Variants in RBFOX1 observed in about 807,000 individuals in gnomAD.
RBFOX1 encodes the protein RNA binding protein fox-1 homolog 1.
RBFOX1 carries 8 observed loss-of-function variants against 57.7 expected under a neutral mutation model. The observed-to-expected ratio is 0.14, with a 90% CI of 0.08 to 0.25. The LOEUF is 0.25. Ranked by LOEUF, RBFOX1 falls within the 10% of genes least tolerant of loss-of-function variation. The pLI, the probability that RBFOX1 is intolerant of heterozygous loss-of-function variation, is 1.00. For missense variants in RBFOX1, 611 were observed against 548.5 expected (o/e 1.11, Z -1.14); for synonymous variants, 326 against 222.4 (o/e 1.47, Z -4.15).
chr16:6,594,065 A>G (rs1288231242), intron 2 of RBFOX1, among the ~76,000 whole-genome samples: 1 of 152,164 alleles, frequency 6.6e-6, no homozygotes, highest in Non-Finnish European at 1.5e-5. Flanking sequence ...GTTTGAGGAC[A>G]CTTGAGTTCA....
chr16:6,777,821 C>T (rs1430394521), intron 3 of RBFOX1, among the ~76,000 whole-genome samples: 1 of 152,054 alleles, frequency 6.6e-6, no homozygotes, highest in East Asian at 1.9e-4. Flanking sequence ...TCAAGCTTTC[C>T]AGTTTCATTT....
chr16:6,800,988 T>C (rs372333616), intron 3 of RBFOX1, among the ~76,000 whole-genome samples: 3 of 152,138 alleles, frequency 2.0e-5, no homozygotes, highest in Non-Finnish European at 4.4e-5. Context: ...AATCAATAAA[T>C]GTTTGTTCAA....
Position 5,550,174 on chromosome 16 carries a change from G to C in RBFOX1, c.259-48728G>C, listed in dbSNP as rs561301766. ...TGCAGAACCAACTGTGCAGTGTTGC[G>C]AGAGGGGCTGTGTGGAGAAGCTTTC... On this transcript the variant is annotated intron_variant, in intron 2 of 2. Coordinates refer to the RBFOX1 transcript ENST00000585867. Among the ~76,000 whole-genome samples the C allele has an allele frequency of 2.6e-5, 4 of 152,310 alleles. No individual in the cohort carries two copies. In the South Asian group the frequency reaches 8.3e-4, roughly 32 times the overall value.
In RBFOX1 at chr16:6,847,345, A is replaced by C. The variant is rs564259775; in HGVS notation, c.-16+192695A>C. ...TGGGTCCAGCCAGACCTGTGTCCTC[A>C]CAACTGCAAGGGGGTCTTCAATCTG... On this transcript the variant is annotated intron_variant, in intron 3 of 15. Coordinates refer to ENST00000550418, the MANE Select transcript of RBFOX1 (RefSeq NM_018723.4). 1.4e-3 allele frequency among the ~76,000 whole-genome samples: 217 copies of C among 152,152 alleles called. 2 individuals carry two copies. The highest frequency in any genetic ancestry group is 4.8e-3 in the African/African-American group (200 of 41,512).
intron 1 of RBFOX1, among the ~76,000 whole-genome samples, chr16:6,149,919 G>T (rs1445496859): frequency 6.6e-6 from 1 of 152,164 alleles, no homozygotes; most frequent in Non-Finnish European, 1.5e-5. Flanking sequence ...TGAACAAAAG[G>T]CTTATTGAGC....
intron 3 of RBFOX1, among the ~76,000 whole-genome samples, chr16:5,730,371 GGAGCCGGCAAGCACCGTCTCCCTGA>G (rs2052320300): frequency 6.6e-6 from 1 of 152,156 alleles, no homozygotes; most frequent in Non-Finnish European, 1.5e-5. Context: ...AGCCTAGAGT[GGAGCCGGCAAGCACCGTCTCCCTGA>G]GAGGGTCTGT....
intron 2 of RBFOX1, among the ~76,000 whole-genome samples, chr16:6,574,850 A>T (rs1350116706): frequency 6.7e-6 from 1 of 150,018 alleles, no homozygotes; most frequent in Non-Finnish European, 1.5e-5. Flanking sequence ...CATCCTGGAT[A>T]ACACGGTGAA....
intron 14 of RBFOX1, among the ~76,000 whole-genome samples, chr16:7,688,995 C>T (rs1366604405): frequency 1.3e-5 from 2 of 152,018 alleles, no homozygotes; most frequent in Non-Finnish European, 2.9e-5. Context: ...TGAGCCAAGC[C>T]AACTGTGTTC....
intron 4 of RBFOX1, among the ~76,000 whole-genome samples, chr16:7,460,451 G>A (rs2059376737): frequency 1.4e-5 from 2 of 141,810 alleles, no homozygotes; most frequent in Non-Finnish European, 3.0e-5. Context: ...ATGTATGTGT[G>A]TATATACATA....
At chr16:5,358,732 C>G (rs527914358) in intron 1 of RBFOX1, among the ~76,000 whole-genome samples, 25 of 152,270 alleles carry the variant, frequency 1.6e-4, no homozygotes, top group African/African-American at 6.0e-4. Context: ...GAGGTTGAGG[C>G]AGGAGAATCG....
intron 3 of RBFOX1, among the ~76,000 whole-genome samples, chr16:5,795,887 A>G (rs1256340693): frequency 1.3e-5 from 2 of 152,174 alleles, no homozygotes; most frequent in Non-Finnish European, 2.9e-5. Context: ...GCATTTTCTA[A>G]TGACTTAGTT....
At chr16:7,551,569 A>T (rs1036732134) in intron 5 of RBFOX1, among the ~76,000 whole-genome samples, 14 of 152,192 alleles carry the variant, frequency 9.2e-5, no homozygotes, top group African/African-American at 3.4e-4. Context: ...GAGCAAATAA[A>T]TGGGGGTGGT....
At chr16:5,682,157 A>T (rs78766279) in intron 3 of RBFOX1, among the ~76,000 whole-genome samples, 1,792 of 152,302 alleles carry the variant, frequency 0.012, 18 homozygotes, top group South Asian at 0.028. Flanking sequence ...AAAGCTATTA[A>T]TGTAAATTAA....
At chr16:6,613,873 G>C (rs548839499) in intron 2 of RBFOX1, among the ~76,000 whole-genome samples, 14 of 152,298 alleles carry the variant, frequency 9.2e-5, no homozygotes, top group African/African-American at 3.4e-4. Context: ...GGGAGGCAGA[G>C]GTTGCAGTGA....
chr16:6,229,480 A>T (rs1339333624), intron 1 of RBFOX1, among the ~76,000 whole-genome samples: 3 of 152,166 alleles, frequency 2.0e-5, no homozygotes, highest in Admixed American at 6.5e-5. Flanking sequence ...GCCCACAATG[A>T]TGTTTGTGAG....
chr16:7,217,616 C>G (rs1184755359), intron 4 of RBFOX1, among the ~76,000 whole-genome samples: 1 of 151,690 alleles, frequency 6.6e-6, no homozygotes, highest in Non-Finnish European at 1.5e-5. Flanking sequence ...AGAATATAAT[C>G]AATTACTTGG....
At chr16:5,583,375 A>G (rs1355192419) in intron 2 of RBFOX1, among the ~76,000 whole-genome samples, 1 of 152,216 alleles carries the variant, frequency 6.6e-6, no homozygotes, top group Non-Finnish European at 1.5e-5. Context: ...GTGTTGGCCA[A>G]TCCCAGCGGC....
intron 4 of RBFOX1, among the ~76,000 whole-genome samples, chr16:7,076,069 G>C (rs1041974995): frequency 2.0e-5 from 3 of 147,130 alleles, no homozygotes; most frequent in African/African-American, 7.6e-5. Context: ...TTCGAGACGA[G>C]TCTTGTTCTA....
At chr16:7,444,972 G>T (rs2346942) in intron 4 of RBFOX1, among the ~76,000 whole-genome samples, 92,776 of 151,784 alleles carry the variant, frequency 0.61, 28,973 homozygotes, top group East Asian at 0.76. Context: ...TGAAGAACAT[G>T]TTCTAACTCT....
Sources: allele counts gnomAD v4.1 joint callset (sites outside exome capture counted in the v4.1 genomes callset), GRCh38; gene constraint gnomAD v4.1.1; transcripts MANE v1.5; gene names NCBI Gene and HGNC (gene_info 2026-07-23, HGNC 2026-07-21).